Variants in L3MBTL4 observed in about 807,000 individuals in gnomAD.
The protein encoded by L3MBTL4 is lethal(3)malignant brain tumor-like protein 4.
In L3MBTL4, 70 loss-of-function variants were observed where a neutral mutation model predicts 84.5. The observed-to-expected ratio is 0.83, with a 90% CI of 0.68 to 1.01. L3MBTL4 has a LOEUF of 1.01. L3MBTL4 is among the 50% of genes least tolerant of loss of function. The pLI, the probability that L3MBTL4 is intolerant of heterozygous loss-of-function variation, is 0.00. For synonymous variants in L3MBTL4, 274 were observed against 259.8 expected (o/e 1.05, Z -0.52); for missense variants, 715 against 754.8 (o/e 0.95, Z 0.62).
intron 16 of L3MBTL4, among the ~76,000 whole-genome samples, chr18:6,021,716 C>T (rs2055276035): frequency 2.0e-5 from 3 of 152,190 alleles, no homozygotes; most frequent in Admixed American, 6.5e-5. Flanking sequence ...AGTTGAGAAT[C>T]GAAGCCATTG....
intron 14 of L3MBTL4, among the ~76,000 whole-genome samples, chr18:6,135,354 C>G (rs564922606): frequency 6.6e-6 from 1 of 152,320 alleles, no homozygotes; most frequent in East Asian, 1.9e-4. Context: ...CTCCTTGCTA[C>G]TTATGCAAAT....
chr18:6,196,044 C>T (rs908253674), intron 12 of L3MBTL4, among the ~76,000 whole-genome samples: 8 of 152,016 alleles, frequency 5.3e-5, no homozygotes, highest in African/African-American at 1.9e-4. Flanking sequence ...CAGTAACCAG[C>T]CAGAGCGCCT....
chr18:6,017,881 G>A (rs1190995338), intron 16 of L3MBTL4: 1 of 152,176 alleles, frequency 6.6e-6, no homozygotes, highest in Non-Finnish European at 1.5e-5. Flanking sequence ...GGAAGGTTGT[G>A]CAGAGAAAAG....
At chr18:6,071,832 GAA>G (rs752985638) in intron 16 of L3MBTL4, among the ~76,000 whole-genome samples, 18,758 of 132,132 alleles carry the variant, frequency 0.14, 3,021 homozygotes, top group African/African-American at 0.46. Flanking sequence ...AAGAAAGAAA[GAA>G]AGAGAAAGAG....
chr18:6,392,569 G>T (rs1208771509), intron 1 of L3MBTL4, among the ~76,000 whole-genome samples: 1 of 152,074 alleles, frequency 6.6e-6, no homozygotes, highest in Non-Finnish European at 1.5e-5. Context: ...AATAAATAGT[G>T]CTGGGAAAAC....
chr18:6,292,134 G>A (rs985594182), intron 4 of L3MBTL4, among the ~76,000 whole-genome samples: 6 of 151,914 alleles, frequency 3.9e-5, no homozygotes, highest in African/African-American at 1.5e-4. Flanking sequence ...TACAAACTAC[G>A]TACATGTAGC....
At chr18:5,967,164 C>T (rs2052393977) in intron 17 of L3MBTL4, among the ~76,000 whole-genome samples, 1 of 152,236 alleles carries the variant, frequency 6.6e-6, no homozygotes, top group Admixed American at 6.5e-5. Context: ...TCTGCCCTGC[C>T]TCTGCGGCCT....
intron 8 of L3MBTL4, 114 bp from the exon 9 acceptor site, chr18:6,239,986 C>G: frequency 9.8e-7 from 1 of 1,016,172 alleles, no homozygotes; most frequent in Non-Finnish European, 1.5e-6. Context: ...GGTGTCAGCA[C>G]TTAGCCTCTG....
chr18:6,084,658 A>C (rs1014976498), intron 15 of L3MBTL4, among the ~76,000 whole-genome samples: 5 of 152,178 alleles, frequency 3.3e-5, no homozygotes, highest in African/African-American at 1.2e-4. Flanking sequence ...CCACCAAAAG[A>C]CTCATGATCT....
At chr18:6,191,567 T>C (rs1322943653) in intron 12 of L3MBTL4, among the ~76,000 whole-genome samples, 2 of 152,112 alleles carry the variant, frequency 1.3e-5, no homozygotes, top group African/African-American at 2.4e-5. Flanking sequence ...TAGACTGATA[T>C]AGGAGTTTGC....
intron 12 of L3MBTL4, among the ~76,000 whole-genome samples, chr18:6,185,885 A>G (rs1254775780): frequency 6.6e-6 from 1 of 152,160 alleles, no homozygotes; most frequent in Non-Finnish European, 1.5e-5. Context: ...CAGCCACTGC[A>G]AGGGGCCCGG....
chr18:6,240,771 G>C (rs1171835651), intron 8 of L3MBTL4, among the ~76,000 whole-genome samples: 2 of 152,194 alleles, frequency 1.3e-5, no homozygotes, highest in African/African-American at 4.8e-5. Flanking sequence ...TCACAGAAGT[G>C]ATGTCTGGAG....
intron 16 of L3MBTL4, among the ~76,000 whole-genome samples, chr18:6,020,109 A>G (rs1205236914): frequency 1.3e-5 from 2 of 152,198 alleles, no homozygotes; most frequent in Non-Finnish European, 2.9e-5. Flanking sequence ...TAATTAAAAT[A>G]GAGTATAATA....
chr18:6,118,993 C>CTTTTTTTTTTTTTTTTTTTT (rs779523685), intron 14 of L3MBTL4, among the ~76,000 whole-genome samples: 1 of 83,714 alleles, frequency 1.2e-5, no homozygotes, highest in African/African-American at 4.7e-5. Flanking sequence ...TTTTTGGTTT[C>CTTTTTTTTTTTTTTTTTTTT]TTTTTTTTTT....
intron 4 of L3MBTL4, among the ~76,000 whole-genome samples, chr18:6,295,340 CTCTCTCTA>C (rs1255931064): frequency 8.1e-4 from 99 of 122,710 alleles, no homozygotes; most frequent in African/African-American, 2.5e-3. Context: ...CTCTCTCTCT[CTCTCTCTA>C]TATATATATA....
At chr18:5,958,138 A>ATGAT (rs2095242888) in intron 18 of L3MBTL4, among the ~76,000 whole-genome samples, 1 of 61,412 alleles carries the variant, frequency 1.6e-5, no homozygotes. Flanking sequence ...AAAAAGAAGA[A>ATGAT]GAAGAAGAAG....
intron 13 of L3MBTL4, among the ~76,000 whole-genome samples, chr18:6,170,486 G>A (rs1192469675): frequency 2.0e-5 from 3 of 152,136 alleles, no homozygotes; most frequent in Non-Finnish European, 4.4e-5. Flanking sequence ...TGGCAACTTA[G>A]GAAGCAAACG....
At chr18:6,155,105 G>A (rs546582668) in intron 13 of L3MBTL4, among the ~76,000 whole-genome samples, 1 of 152,276 alleles carries the variant, frequency 6.6e-6, no homozygotes, top group East Asian at 1.9e-4. Context: ...TAGCAACAAG[G>A]AGAATGTGGA....
Position 6,380,756 on chromosome 18 carries a change from A to G in L3MBTL4, c.-91+34045T>C, listed in dbSNP as rs1036311353. On this transcript the variant is annotated intron_variant, in intron 1 of 18. Transcript: ENST00000317931. ...TTCCAATTATACGGTCAATTTTAGAATAAGTGCGACGAGGTGCTGAGAATA... is the reference window on the plus strand; with the variant it reads ...TTCCAATTATACGGTCAATTTTAGAGTAAGTGCGACGAGGTGCTGAGAATA... Among the ~76,000 whole-genome samples, 3 of 152,332 alleles carry G rather than the reference A, an allele frequency of 2.0e-5. No homozygotes were observed. The East Asian group carries it at 5.8e-4, about 29-fold the overall frequency.
Sources: allele counts gnomAD v4.1 joint callset (sites outside exome capture counted in the v4.1 genomes callset), GRCh38; gene constraint gnomAD v4.1.1; transcripts MANE v1.5; gene names NCBI Gene and HGNC (gene_info 2026-07-23, HGNC 2026-07-21).